LPIN2: variants seen among roughly 807,000 people sequenced by gnomAD.
LPIN2 encodes the protein phosphatidate phosphatase LPIN2.
A neutral mutation model predicts 111.4 loss-of-function variants in LPIN2; 55 were observed. That is an observed-to-expected ratio of 0.49 (90% confidence interval 0.40 to 0.62). The LOEUF (loss-of-function observed/expected upper bound fraction) is 0.62, where lower values mean the gene tolerates loss of function less well. Ranked by LOEUF, LPIN2 falls within the 20% of genes least tolerant of loss-of-function variation. The probability of loss-of-function intolerance (pLI) is 0.00; values close to 1 mark genes in which losing one functional copy is unlikely to be tolerated. For synonymous variants in LPIN2, 425 were observed against 414.0 expected (o/e 1.03, Z -0.32); for missense variants, 992 against 1,112.1 (o/e 0.89, Z 1.54).
Position 2,939,605 on chromosome 18 carries a change from T to C in LPIN2, c.699-2A>G. 6.2e-7 allele frequency: 1 copy of C among 1,613,012 alleles called. No homozygotes were observed. Among genetic ancestry groups the C allele is most frequent in the Non-Finnish European group, 8.5e-7 (1 of 1,179,620 alleles). ...GGACACGCTGTCTGGGGATAGGTGC[T>C]GCAAAGAGAACAAAGACACACGATG... On this transcript the variant is annotated splice_acceptor_variant, in intron 5 of 19. Transcript: ENST00000677752. LOFTEE classifies it high-confidence loss of function.
Position 2,922,213 on chromosome 18 carries a change from C to G in LPIN2, c.2175-14G>C, listed in dbSNP as rs374483994. 2.5e-6 allele frequency: 4 copies of G among 1,613,736 alleles called. No homozygotes were observed. Among genetic ancestry groups the G allele is most frequent in the Non-Finnish European group, 3.4e-6 (4 of 1,179,894 alleles). ...TTGTAGCCATTCCTGAAAGAAAACA[C>G]ACCCTGTTAGCCCACATGTTCTGGC... On this transcript the variant is annotated splice_polypyrimidine_tract_variant and intron_variant, in intron 16 of 19. Coordinates refer to ENST00000677752, the MANE Select transcript of LPIN2 (RefSeq NM_001375808.2).
intron 13 of LPIN2, 41 bp downstream of exon 13, chr18:2,926,682 G>T: frequency 6.4e-7 from 1 of 1,569,884 alleles, no homozygotes; most frequent in Non-Finnish European, 8.7e-7. Context: ...CCTGCTAGAG[G>T]GCCTGAGTGC....
intron 8 of LPIN2, among the ~76,000 whole-genome samples, chr18:2,933,440 T>C (rs1264835499): frequency 1.3e-5 from 2 of 152,226 alleles, no homozygotes; most frequent in Non-Finnish European, 2.9e-5. Context: ...TAAAGCCGTT[T>C]CAGTTTTTTC....
chr18:2,925,538 A>G lies in LPIN2; in HGVS notation c.1794-170T>C, dbSNP rs2077118436. 6.6e-6 allele frequency among the ~76,000 whole-genome samples: 1 copy of G among 152,162 alleles called. No homozygotes were observed. Among genetic ancestry groups the G allele is most frequent in the South Asian group, 2.1e-4 (1 of 4,834 alleles). On this transcript the variant is annotated intron_variant, in intron 13 of 19. Coordinates refer to ENST00000677752, the MANE Select transcript of LPIN2 (RefSeq NM_001375808.2). The surrounding 1 kb of genome is among the most constrained non-coding windows in gnomAD (Gnocchi z 4.1). ...ACAGCTCTGTACGCCTGAAATATTC[A>G]TATTGTTAACTGATAAGGCCACTTT...
chr18:2,987,631 T>C (rs887109342), intron 1 of LPIN2, among the ~76,000 whole-genome samples: 2 of 152,186 alleles, frequency 1.3e-5, no homozygotes, highest in Admixed American at 6.5e-5. Context: ...GTGATGGTTG[T>C]TTAAATTATT....
chr18:2,966,239 A>AGTCGTG (rs1157581735), intron 1 of LPIN2, among the ~76,000 whole-genome samples: 1 of 152,202 alleles, frequency 6.6e-6, no homozygotes. Flanking sequence ...GACTGGCCTC[A>AGTCGTG]AAATGGATAC....
At chr18:2,928,366 G>A (rs1009041588) in intron 11 of LPIN2, among the ~76,000 whole-genome samples, 4 of 152,108 alleles carry the variant, frequency 2.6e-5, no homozygotes, top group Non-Finnish European at 4.4e-5. Context: ...TAGTATTTAT[G>A]TCTAATAAAA....
At chr18:2,973,173 T>C (rs905745812) in intron 1 of LPIN2, among the ~76,000 whole-genome samples, 1 of 152,146 alleles carries the variant, frequency 6.6e-6, no homozygotes, top group African/African-American at 2.4e-5. Flanking sequence ...TACCTTGAAC[T>C]ATTCAAAATA....
chr18:2,959,940 C>T (rs1322512595), intron 2 of LPIN2, among the ~76,000 whole-genome samples: 1 of 151,932 alleles, frequency 6.6e-6, no homozygotes, highest in Non-Finnish European at 1.5e-5. Context: ...AGGCCGAAGC[C>T]GGTGGATCAC....
intron 4 of LPIN2, among the ~76,000 whole-genome samples, chr18:2,948,065 T>G (rs1432641344): frequency 6.6e-6 from 1 of 151,932 alleles, no homozygotes; most frequent in Non-Finnish European, 1.5e-5. Context: ...GAAAACAACC[T>G]GAATTTTCAC....
At chr18:2,983,840 A>T (rs978847008) in intron 1 of LPIN2, among the ~76,000 whole-genome samples, 5 of 152,168 alleles carry the variant, frequency 3.3e-5, no homozygotes, top group African/African-American at 1.2e-4. Flanking sequence ...GAAAATTTGA[A>T]ATTACACATG....
chr18:2,971,732 T>C (rs1395651644), intron 1 of LPIN2, among the ~76,000 whole-genome samples: 1 of 132,268 alleles, frequency 7.6e-6, no homozygotes, highest in East Asian at 2.3e-4. Flanking sequence ...TGAAGATACA[T>C]ATAACCATGC....
intron 2 of LPIN2, among the ~76,000 whole-genome samples, chr18:2,959,769 T>C (rs2077678960): frequency 6.6e-6 from 1 of 152,142 alleles, no homozygotes; most frequent in Non-Finnish European, 1.5e-5. Context: ...CAGTCAAATA[T>C]GGGGACAAGT....
In LPIN2 at chr18:2,986,961, T is replaced by G. The variant is rs762374436; in HGVS notation, c.-9-26112A>C. Among the ~76,000 whole-genome samples the G allele has an allele frequency of 3.9e-5, 6 of 152,130 alleles. No homozygotes were observed. The East Asian group carries it at 5.8e-4, about 15-fold the overall frequency. On this transcript the variant is annotated intron_variant, in intron 1 of 19. Transcript: ENST00000677752. ...CAGGACTCCTGAGGCCTCAGTTGCT[T>G]GACAGGGGTGGAGGTCGGGGGTGAA...
chr18:2,966,511 A>G (rs1243454009), intron 1 of LPIN2, among the ~76,000 whole-genome samples: 1 of 152,224 alleles, frequency 6.6e-6, no homozygotes, highest in Non-Finnish European at 1.5e-5. Flanking sequence ...TAAGTGGCAG[A>G]GTTAATATTC....
chr18:2,976,866 C>A (rs2078026940), intron 1 of LPIN2, among the ~76,000 whole-genome samples: 1 of 152,158 alleles, frequency 6.6e-6, no homozygotes, highest in Non-Finnish European at 1.5e-5. Context: ...GCCTTTGGAT[C>A]CACAGATATA....
chr18:2,993,978 T>C (rs1355905523), intron 1 of LPIN2, among the ~76,000 whole-genome samples: 1 of 152,202 alleles, frequency 6.6e-6, no homozygotes, highest in Non-Finnish European at 1.5e-5. Context: ...TAAACCACAC[T>C]GCTATTTGAA....
At chr18:2,921,761 G>A (rs1433086538) in intron 17 of LPIN2, 114 bp from the exon 18 acceptor site, 3 of 829,018 alleles carry the variant, frequency 3.6e-6, no homozygotes, top group East Asian at 5.3e-5. Context: ...CTTTGTAACT[G>A]GAATCTTTCC....
chr18:2,926,176 T>C (rs2077127124), intron 13 of LPIN2, among the ~76,000 whole-genome samples: 1 of 151,730 alleles, frequency 6.6e-6, no homozygotes, highest in South Asian at 2.1e-4. Context: ...AGATATAGGA[T>C]GGGGGGCGGT....
Sources: gnomAD v4.1 joint callset for allele counts (sites outside exome capture counted in the v4.1 genomes callset) on GRCh38, gnomAD v4.1.1 for gene constraint, Gnocchi (gnomAD v3.1) non-coding constraint, MANE v1.5 for transcripts, NCBI Gene and HGNC (gene_info 2026-07-23, HGNC 2026-07-21) for gene names.